The following EPC1 variants were observed in gnomAD, a reference collection of about 807,000 sequenced individuals.
EPC1 encodes the protein enhancer of polycomb 1, also known as enhancer of polycomb homolog 1.
EPC1 carries 12 observed loss-of-function variants against 98.4 expected under a neutral mutation model. The ratio of observed to expected loss-of-function variants is 0.12; its 90% confidence interval spans 0.08 to 0.20. EPC1 has a LOEUF of 0.20. Among genes scored for constraint, EPC1 ranks in the 10% least tolerant of loss-of-function variants. The probability of loss-of-function intolerance (pLI) is 1.00; values close to 1 mark genes in which losing one functional copy is unlikely to be tolerated. For synonymous variants in EPC1, 357 were observed against 363.9 expected, an observed-to-expected ratio of 0.98 and a Z score of 0.21; for missense variants, 729 against 990.5, an observed-to-expected ratio of 0.74 and a Z score of 3.54.
intron 9 of EPC1, 97 bp downstream of exon 9, chr10:32,286,597 A>T: frequency 7.2e-7 from 1 of 1,384,942 alleles, no homozygotes; most frequent in Non-Finnish European, 9.9e-7. Context: ...AATAGGAACT[A>T]ATGAGTTGTT....
chr10:32,312,388 G>A (rs1386020796), intron 1 of EPC1, among the ~76,000 whole-genome samples: 1 of 152,132 alleles, frequency 6.6e-6, no homozygotes, highest in African/African-American at 2.4e-5. Flanking sequence ...TCTGAAAATT[G>A]TAAGTTCAAG....
exon 1 of EPC1, chr10:32,378,517 G>T (rs1839916181): frequency 6.5e-7 from 1 of 1,536,832 alleles, no homozygotes; most frequent in Non-Finnish European, 8.8e-7. Flanking sequence ...GAAGACGGCA[G>T]TTCTTGAAAA....
chr10:32,275,635 C>T (rs1416034782), intron 10 of EPC1, among the ~76,000 whole-genome samples: 3 of 151,380 alleles, frequency 2.0e-5, no homozygotes, highest in East Asian at 3.9e-4. Context: ...ATTAGCCGGG[C>T]GTGGTGGCAC....
chr10:32,285,357 G>T, intron 9 of EPC1: 1 of 253,810 alleles, frequency 3.9e-6, no homozygotes, highest in Non-Finnish European at 7.4e-6. Context: ...CATTCCTTTT[G>T]GGGGGAAAGG....
rs1171414547 is a variant in EPC1, at chr10:32,346,920, G to A, written c.-5C>T. The A allele has an allele frequency of 2.5e-6, 4 of 1,613,206 alleles. No homozygotes were observed. The highest frequency in any genetic ancestry group is 1.7e-5 in the Admixed American group (1 of 60,030). ...CCGAAACGACAGTTTACTCATCTCA[G>A]GCGCAGCAGATACCTCTCCGCTCTG... is the stretch of plus-strand genomic sequence containing the variant. On this transcript the variant is annotated 5_prime_UTR_variant, in exon 1 of 14. Coordinates refer to ENST00000319778, the MANE Select transcript of EPC1 (RefSeq NM_001272004.3).
At chr10:32,324,145 G>T in intron 1 of EPC1, among the ~76,000 whole-genome samples, 1 of 151,800 alleles carries the variant, frequency 6.6e-6, no homozygotes, top group South Asian at 2.1e-4. Context: ...CACCATGTTA[G>T]CCAGGATGGT....
intron 1 of EPC1, among the ~76,000 whole-genome samples, chr10:32,315,811 C>T (rs1264618132): frequency 1.3e-5 from 2 of 152,230 alleles, no homozygotes; most frequent in Non-Finnish European, 2.9e-5. Flanking sequence ...TCCCTGCCTG[C>T]ACCTTCATCT....
intron 1 of EPC1, among the ~76,000 whole-genome samples, chr10:32,308,791 C>T (rs1407782224): frequency 2.6e-5 from 4 of 152,042 alleles, no homozygotes; most frequent in African/African-American, 4.8e-5. Flanking sequence ...GGTATATACC[C>T]GAAAGAATGA....
intron 1 of EPC1, among the ~76,000 whole-genome samples, chr10:32,367,958 G>A (rs911092531): frequency 1.3e-5 from 2 of 152,142 alleles, no homozygotes; most frequent in African/African-American, 2.4e-5. Flanking sequence ...TTACATAAGC[G>A]AATGTCTTCT....
rs1461746154 is a variant in EPC1, at chr10:32,293,658, T to C, written c.393A>G (p.Lys131=). 1 of 1,613,772 alleles carries C rather than the reference T, an allele frequency of 6.2e-7. No homozygotes were observed. The highest frequency in any genetic ancestry group is 1.7e-5 in the Admixed American group (1 of 59,998). ...CAAATTGCAATGGGCAGATGTCCATTTTCTTTTTCAGTTTATTCACAAATA... is the reference window on the plus strand; with the variant it reads ...CAAATTGCAATGGGCAGATGTCCATCTTCTTTTTCAGTTTATTCACAAATA... ...DEVFVNKLKK[K]MDICPLQFEE... is the part of the protein sequence containing the mutation. Residue 131 remains lysine (K), a synonymous_variant, in exon 3 of 14, where the codon AAA becomes AAG. Coordinates refer to ENST00000319778, the MANE Select transcript of EPC1 (RefSeq NM_001272004.3).
Position 32,286,915 on chromosome 10 carries a change from C to G in EPC1, c.1242+11G>C. ...ATAGTTTGTTATTTACAAAGACACTCTGAAACTTACAGCATAGTACTGACA... is the reference window on the plus strand; with the variant it reads ...ATAGTTTGTTATTTACAAAGACACTGTGAAACTTACAGCATAGTACTGACA... On this transcript the variant is annotated intron_variant, in intron 8 of 13. Transcript: ENST00000319778. The G allele has an allele frequency of 6.2e-7, 1 of 1,611,208 alleles. No homozygotes were observed. The highest frequency in any genetic ancestry group is 8.5e-7 in the Non-Finnish European group (1 of 1,179,068).
At chr10:32,290,005 G>A (rs1353380008) in intron 6 of EPC1, among the ~76,000 whole-genome samples, 1 of 151,948 alleles carries the variant, frequency 6.6e-6, no homozygotes. Flanking sequence ...TTAATTAATG[G>A]CTCTCCTTTA....
chr10:32,358,920 G>T (rs977628691), intron 1 of EPC1, among the ~76,000 whole-genome samples: 1 of 152,204 alleles, frequency 6.6e-6, no homozygotes, highest in African/African-American at 2.4e-5. Context: ...AAACTGGTAA[G>T]TTAGGGAAAT....
intron 1 of EPC1, among the ~76,000 whole-genome samples, chr10:32,329,174 G>C (rs1264902142): frequency 3.9e-5 from 6 of 152,220 alleles, no homozygotes; most frequent in Non-Finnish European, 7.3e-5. Context: ...GTGAGCAAAA[G>C]TGGCATGTAA....
At chr10:32,280,476 C>T (rs1836351697) in intron 10 of EPC1, among the ~76,000 whole-genome samples, 1 of 148,904 alleles carries the variant, frequency 6.7e-6, no homozygotes, top group African/African-American at 2.5e-5. Flanking sequence ...CACGGTGGCT[C>T]ACGCCTGTAA....
At position 32,291,173 on chromosome 10, in the gene EPC1, T is replaced by G. The variant is rs763947529; in HGVS notation, c.965A>C (p.Lys322Thr). 3 of 1,613,176 alleles carry G rather than the reference T, an allele frequency of 1.9e-6. No individual in the cohort carries two copies. In the South Asian group the frequency reaches 3.3e-5, roughly 18 times the overall value. ...AAAAACATTAATCACCTTATTAACT[T>G]TGAACTCCTTCACATCCATTGCTTC... is the stretch of plus-strand genomic sequence containing the variant. ...HQEAMDVKEF[K>T]VNKQDKADLI... Residue 322 changes from lysine to threonine, a missense_variant, in exon 6 of 14, where the codon AAA becomes ACA. Lys to Thr is a moderately conservative substitution (Grantham distance 78). This residue lies in a region of EPC1 where 390 missense variants were observed against 438.6 expected (regional missense o/e 0.89). Transcript: ENST00000319778.
At chr10:32,272,715 T>C (rs1038177807) in intron 11 of EPC1, among the ~76,000 whole-genome samples, 1 of 152,218 alleles carries the variant, frequency 6.6e-6, no homozygotes, top group Non-Finnish European at 1.5e-5. Context: ...TCCTGCAAGA[T>C]GCAGGGACTC....
At chr10:32,314,360 G>A (rs188822693) in intron 1 of EPC1, among the ~76,000 whole-genome samples, 250 of 152,250 alleles carry the variant, frequency 1.6e-3, no homozygotes, top group South Asian at 7.7e-3. Flanking sequence ...CATGTCATGA[G>A]CTTTGCTATC....
chr10:32,325,228 A>C (rs1256642477), intron 1 of EPC1, among the ~76,000 whole-genome samples: 4 of 152,146 alleles, frequency 2.6e-5, no homozygotes, highest in Non-Finnish European at 5.9e-5. Flanking sequence ...TAAAACACAA[A>C]ACAAAATTAA....
Sources: allele counts gnomAD v4.1 joint callset (sites outside exome capture counted in the v4.1 genomes callset), GRCh38; gene constraint gnomAD v4.1.1; regional missense constraint gnomAD v4.1.1; transcripts MANE v1.5; gene names NCBI Gene and HGNC (gene_info 2026-07-23, HGNC 2026-07-21).